ADCY5: variants seen among roughly 807,000 people sequenced by gnomAD.
ADCY5 encodes the protein adenylate cyclase type 5.
ADCY5 carries 30 observed loss-of-function variants against 119.7 expected under a neutral mutation model. The ratio of observed to expected loss-of-function variants is 0.25; its 90% CI spans 0.19 to 0.34. The LOEUF is 0.34. Ranked by LOEUF, ADCY5 falls within the 10% of genes least tolerant of loss-of-function variation. ADCY5 has a pLI of 1.00. For missense variants in ADCY5, 1,324 were observed against 1,775.2 expected (o/e 0.75, Z 4.57); for synonymous variants, 753 against 762.2 (o/e 0.99, Z 0.20).
rs528583269 is a variant in ADCY5 at position 123,389,411 on chromosome 3, G to A, written c.1135-36830C>T. Among the ~76,000 whole-genome samples, 26 of 152,256 alleles carry A rather than the reference G, an allele frequency of 1.7e-4. No individual in the cohort carries two copies. The South Asian group carries it at 5.0e-3, about 29-fold the overall frequency. ...ACTTTCCTCTGGACTAGGATTTGTA[G>A]TCCTGACCACTCTCCCTGCCTCAAT... is the stretch of plus-strand genomic sequence containing the variant. On this transcript the variant is annotated intron_variant, in intron 1 of 20. Coordinates refer to ENST00000462833, the MANE Select transcript of ADCY5 (RefSeq NM_183357.3).
At chr3:123,311,133 T>A (rs931671982) in intron 12 of ADCY5, among the ~76,000 whole-genome samples, 1 of 152,228 alleles carries the variant, frequency 6.6e-6, no homozygotes, top group African/African-American at 2.4e-5. Context: ...TGACACTAAC[T>A]GGCTTGGGGG....
At chr3:123,398,670 C>T (rs1035818067) in intron 1 of ADCY5, among the ~76,000 whole-genome samples, 1 of 152,162 alleles carries the variant, frequency 6.6e-6, no homozygotes, top group Non-Finnish European at 1.5e-5. Flanking sequence ...ACCCTAGGTC[C>T]TCACCATTCA....
chr3:123,355,945 G>A (rs1159338894), intron 1 of ADCY5, among the ~76,000 whole-genome samples: 1 of 152,158 alleles, frequency 6.6e-6, no homozygotes, highest in Non-Finnish European at 1.5e-5. Flanking sequence ...AAACAATGTG[G>A]TACTAGCATA....
chr3:123,447,770 A>T lies in ADCY5; in HGVS notation c.776T>A (p.Phe259Tyr), dbSNP rs1945852874. ...LVLVCLVMLA[F>Y]HAARPPLQLP... ...CTGGAGCGGGGGCCGCGCCGCGTGG[A>T]AGGCCAACATGACCAGGCACACGAG... Residue 259 changes from phenylalanine (F) to tyrosine (Y), a missense_variant, in exon 1 of 21, where the codon TTC (phenylalanine) becomes TAC (tyrosine). Phe to Tyr is a conservative substitution (Grantham distance 22, BLOSUM62 3). This residue lies in a region of ADCY5 where 585 missense variants were observed against 569.9 expected (regional missense o/e 1.03). Transcript: ENST00000462833. 6.2e-7 allele frequency: 1 copy of T among 1,608,726 alleles called. No individual in the cohort carries two copies.
intron 1 of ADCY5, among the ~76,000 whole-genome samples, chr3:123,368,396 G>A (rs1943524288): frequency 6.6e-6 from 1 of 152,166 alleles, no homozygotes; most frequent in Non-Finnish European, 1.5e-5. Context: ...AGGAGTTTGA[G>A]ACCAGCCTGG....
intron 1 of ADCY5, among the ~76,000 whole-genome samples, chr3:123,397,972 T>G (rs1944650576): frequency 6.6e-6 from 1 of 152,270 alleles, no homozygotes; most frequent in African/African-American, 2.4e-5. Flanking sequence ...AAGGGAAATT[T>G]AAGGGTTAAC....
At chr3:123,375,530 G>A (rs1358826014) in intron 1 of ADCY5, among the ~76,000 whole-genome samples, 2 of 152,218 alleles carry the variant, frequency 1.3e-5, no homozygotes, top group Non-Finnish European at 2.9e-5. Flanking sequence ...AGTTCTCAGA[G>A]CAATCTGGAG....
At chr3:123,304,420 G>C (rs1190109736) in intron 12 of ADCY5, among the ~76,000 whole-genome samples, 1 of 152,164 alleles carries the variant, frequency 6.6e-6, no homozygotes, top group Non-Finnish European at 1.5e-5. Context: ...GGGACTACGT[G>C]GGGAACCCAG....
intron 1 of ADCY5, among the ~76,000 whole-genome samples, chr3:123,378,549 C>T (rs1240772008): frequency 2.0e-5 from 3 of 152,158 alleles, no homozygotes; most frequent in African/African-American, 7.2e-5. Flanking sequence ...GAGCTCCCAC[C>T]TTAGTGCTCT....
chr3:123,432,690 C>T (rs543163878), intron 1 of ADCY5, among the ~76,000 whole-genome samples: 1 of 152,212 alleles, frequency 6.6e-6, no homozygotes, highest in East Asian at 1.9e-4. Context: ...CCTTGCCTAG[C>T]TAATTTTTTC....
rs1939934556 is a variant in ADCY5 at position 123,303,038 on chromosome 3, C to T, written c.2724+17G>A. The T allele has an allele frequency of 1.9e-6, 3 of 1,612,580 alleles. No individual in the cohort carries two copies. The highest frequency in any genetic ancestry group is 8.5e-7 in the Non-Finnish European group (1 of 1,179,580). Reference sequence around the variant, plus strand: ...GGACTCTTCAGCACTCCCTTCCAGCCCCTGTGCACCCAGTACCTCGGGGAA... The same window carrying T: ...GGACTCTTCAGCACTCCCTTCCAGCTCCTGTGCACCCAGTACCTCGGGGAA... On this transcript the variant is annotated intron_variant, in intron 14 of 20. Transcript: ENST00000462833.
Position 123,447,432 on chromosome 3 carries a change from C to A in ADCY5, c.1114G>T (p.Asp372Tyr). ...CCTACCTGCTTCAGCAGGAACTGGT[C>A]CTGGGCGTTGGTGCGCAGGGCGATG... ...LAIALRTNAQ[D>Y]QFLLKQLVSN... The change falls in exon 1 of 21, where the codon GAC (aspartate) becomes TAC (tyrosine). Residue 372 changes from aspartate to tyrosine, a missense_variant. Asp to Tyr is a radical substitution (Grantham distance 160, BLOSUM62 -3). Transcript: ENST00000462833. The A allele has an allele frequency of 6.3e-7, 1 of 1,594,458 alleles. No individual in the cohort carries two copies. The highest frequency in any genetic ancestry group is 1.1e-5 in the South Asian group (1 of 88,238).
intron 3 of ADCY5, among the ~76,000 whole-genome samples, chr3:123,334,676 T>C (rs1056483434): frequency 1.3e-5 from 2 of 152,164 alleles, no homozygotes; most frequent in African/African-American, 4.8e-5. Flanking sequence ...AGACGGAGGT[T>C]GCAGTGAGCC....
chr3:123,289,543 G>A (rs1362156456), intron 19 of ADCY5, among the ~76,000 whole-genome samples: 3 of 152,226 alleles, frequency 2.0e-5, no homozygotes, highest in Non-Finnish European at 4.4e-5. Context: ...CAGAGGCATC[G>A]CCAGGCTCTG....
At chr3:123,365,774 G>C (rs1943415726) in intron 1 of ADCY5, among the ~76,000 whole-genome samples, 1 of 152,210 alleles carries the variant, frequency 6.6e-6, no homozygotes, top group Non-Finnish European at 1.5e-5. Flanking sequence ...GAGGTCATGA[G>C]GGGACGGTGA....
chr3:123,357,883 C>T (rs1308550820), intron 1 of ADCY5, among the ~76,000 whole-genome samples: 1 of 152,192 alleles, frequency 6.6e-6, no homozygotes, highest in Non-Finnish European at 1.5e-5. Context: ...AATGATCCCA[C>T]ACCTTGGGGA....
In ADCY5 at chr3:123,284,299, C is replaced by T. The variant is rs1938582993; in HGVS notation, c.*309G>A. 1 of 327,890 alleles carries T rather than the reference C, an allele frequency of 3.0e-6. No homozygotes were observed. Among genetic ancestry groups the T allele is most frequent in the South Asian group, 4.0e-5 (1 of 25,072 alleles). The allele number at this position is 327,890 out of a possible 1,614,324, so 20.3% of individuals were successfully genotyped here. On this transcript the variant is annotated 3_prime_UTR_variant, in exon 21 of 21. Transcript: ENST00000462833. ...GGGCCGTGCCACACACACATTCCCA[C>T]GGCTCCTTTCCACCTGTGCAGCAGC... is the stretch of plus-strand genomic sequence containing the variant.
intron 1 of ADCY5, among the ~76,000 whole-genome samples, chr3:123,375,105 C>G (rs1943780440): frequency 1.3e-5 from 2 of 152,210 alleles, no homozygotes; most frequent in African/African-American, 4.8e-5. Context: ...CTGGTGACAC[C>G]TCCACCCCTG....
intron 12 of ADCY5, among the ~76,000 whole-genome samples, chr3:123,307,491 G>C (rs970810774): frequency 2.6e-5 from 4 of 152,176 alleles, no homozygotes; most frequent in Admixed American, 2.0e-4. Flanking sequence ...TTGCCAATAA[G>C]AATGAAAGTC....
Sources: gnomAD v4.1 joint callset for allele counts (sites outside exome capture counted in the v4.1 genomes callset) on GRCh38, gnomAD v4.1.1 for gene constraint, gnomAD v4.1.1 regional missense constraint, MANE v1.5 for transcripts, NCBI Gene and HGNC (gene_info 2026-07-23, HGNC 2026-07-21) for gene names.